Variants in GRIP1 observed in about 807,000 individuals in gnomAD.
GRIP1 encodes glutamate receptor interacting protein 1.
A neutral mutation model predicts 129.9 loss-of-function variants in GRIP1; 45 were observed. The observed-to-expected ratio is 0.35, with a 90% CI of 0.27 to 0.44. The LOEUF is 0.44. Ranked by LOEUF, GRIP1 falls within the 20% of genes least tolerant of loss-of-function variation. The pLI is 1.00. For missense variants in GRIP1, 1,196 were observed against 1,396.8 expected (o/e 0.86, Z 2.29); for synonymous variants, 530 against 520.8 (o/e 1.02, Z -0.24).
chr12:66,697,896 A>G (rs2035219359), intron 1 of GRIP1, among the ~76,000 whole-genome samples: 1 of 150,730 alleles, frequency 6.6e-6, no homozygotes, highest in Non-Finnish European at 1.5e-5. Flanking sequence ...CCCTCAACAA[A>G]GCGAAGTGCA....
At chr12:66,608,193 G>T (rs1333690614) in intron 1 of GRIP1, among the ~76,000 whole-genome samples, 1 of 152,126 alleles carries the variant, frequency 6.6e-6, no homozygotes, top group East Asian at 1.9e-4. Flanking sequence ...AATTAAAGTA[G>T]GATTTATCAC....
intron 1 of GRIP1, among the ~76,000 whole-genome samples, chr12:66,771,856 A>T (rs2037829118): frequency 6.6e-6 from 1 of 152,228 alleles, no homozygotes; most frequent in Non-Finnish European, 1.5e-5. Context: ...ATGAGGTTAC[A>T]TCTGTGGAGG....
At chr12:66,831,314 G>A (rs2039513453) in intron 1 of GRIP1, among the ~76,000 whole-genome samples, 1 of 152,136 alleles carries the variant, frequency 6.6e-6, no homozygotes, top group Non-Finnish European at 1.5e-5. Context: ...AGTTCATGCT[G>A]ATTTATTCAC....
At chr12:66,510,598 A>G (rs1213588615) in intron 7 of GRIP1, among the ~76,000 whole-genome samples, 5 of 152,190 alleles carry the variant, frequency 3.3e-5, no homozygotes, top group Non-Finnish European at 7.4e-5. Flanking sequence ...TTATTTCAAA[A>G]AAATTGTCCT....
intron 7 of GRIP1, among the ~76,000 whole-genome samples, chr12:66,466,859 C>T (rs796729675): frequency 2.0e-5 from 3 of 152,260 alleles, no homozygotes; most frequent in African/African-American, 7.2e-5. Context: ...GCAAGAACAT[C>T]TTTGTCATCA....
intron 23 of GRIP1, among the ~76,000 whole-genome samples, chr12:66,361,865 G>A (rs970345604): frequency 6.6e-6 from 1 of 152,110 alleles, no homozygotes; most frequent in South Asian, 2.1e-4. Context: ...CTTGACTCAG[G>A]AACATCCTGC....
At chr12:66,526,760 G>A (rs1234136901) in intron 5 of GRIP1, among the ~76,000 whole-genome samples, 4 of 151,222 alleles carry the variant, frequency 2.6e-5, no homozygotes, top group East Asian at 1.9e-4. Flanking sequence ...GAATGGGAGA[G>A]AATTTTTGCA....
chr12:66,655,165 C>A (rs1342580018), intron 1 of GRIP1, among the ~76,000 whole-genome samples: 1 of 152,184 alleles, frequency 6.6e-6, no homozygotes, highest in East Asian at 1.9e-4. Flanking sequence ...CACGTTCCCC[C>A]AAGAGGCAAC....
intron 9 of GRIP1, among the ~76,000 whole-genome samples, chr12:66,461,738 C>T (rs2059142422): frequency 6.6e-6 from 1 of 152,150 alleles, no homozygotes; most frequent in East Asian, 1.9e-4. Flanking sequence ...CTCTTTCCCC[C>T]CGCCCCAGAC....
intron 1 of GRIP1, among the ~76,000 whole-genome samples, chr12:66,877,422 A>T (rs1221406573): frequency 2.6e-5 from 4 of 152,086 alleles, no homozygotes; most frequent in Non-Finnish European, 5.9e-5. Flanking sequence ...TTTGTCAGGA[A>T]AGGGTGTAAC....
At chr12:66,797,766 C>T (rs1464601382) in intron 1 of GRIP1, among the ~76,000 whole-genome samples, 1 of 152,102 alleles carries the variant, frequency 6.6e-6, no homozygotes, top group Non-Finnish European at 1.5e-5. Flanking sequence ...GAATACAACC[C>T]TGAGAGGAGC....
At position 66,347,511 on chromosome 12, in the gene GRIP1, A is replaced by ATAT. The variant is rs2054020796; in HGVS notation, c.*1505_*1507dup. On this transcript the variant is annotated 3_prime_UTR_variant, in exon 25 of 25. Coordinates refer to ENST00000359742, the MANE Select transcript of GRIP1 (RefSeq NM_001366722.1). ...GAGGGTTTTATTTTTTTCCATACAA[A>ATAT]TATTTGAACAATTTTGAATTCCCCA... The ATAT allele has an allele frequency of 6.6e-6, 1 of 152,204 alleles. No individual in the cohort carries two copies. The allele number at this position is 152,204 out of a possible 1,614,324, so 9.4% of individuals were successfully genotyped here.
chr12:66,572,085 CA>C (rs1358474960), intron 2 of GRIP1, among the ~76,000 whole-genome samples: 1 of 152,200 alleles, frequency 6.6e-6, no homozygotes, highest in Non-Finnish European at 1.5e-5. Context: ...ACTGCCTTAT[CA>C]GTCCTCTTCC....
At chr12:66,966,859 G>C (rs2042005174) in intron 1 of GRIP1, among the ~76,000 whole-genome samples, 1 of 152,030 alleles carries the variant, frequency 6.6e-6, no homozygotes, top group African/African-American at 2.4e-5. Context: ...TCGCTTCCTT[G>C]CCCTTTCCAC....
chr12:66,522,803 C>T (rs1272593238), intron 5 of GRIP1, among the ~76,000 whole-genome samples: 3 of 152,036 alleles, frequency 2.0e-5, no homozygotes, highest in East Asian at 1.9e-4. Flanking sequence ...CGAATGGATA[C>T]CTAGAATAAC....
chr12:66,450,303 CAAAAAAAAAAAA>C lies in GRIP1; in HGVS notation c.1355-4807_1355-4796del, dbSNP rs143013040. 2.3e-3 allele frequency among the ~76,000 whole-genome samples: 61 copies of C among 26,820 alleles called. 1 individual carries two copies. The highest frequency in any genetic ancestry group is 0.012 in the East Asian group (8 of 692). 17.6% of individuals were successfully genotyped at this position (26,820 alleles called of 152,430 possible). ...TGGGTGACAGAGTGAGACTCCATCT[CAAAAAAAAAAAA>C]AAAAAAAAAAAAAAAAAAGAAAGAG... On this transcript the variant is annotated intron_variant, in intron 11 of 24. Coordinates refer to ENST00000359742, the MANE Select transcript of GRIP1 (RefSeq NM_001366722.1).
chr12:66,784,552 C>T (rs991492753), intron 1 of GRIP1, among the ~76,000 whole-genome samples: 1 of 152,196 alleles, frequency 6.6e-6, no homozygotes. Context: ...AATGACTACC[C>T]TCTAAAGCCA....
intron 1 of GRIP1, among the ~76,000 whole-genome samples, chr12:66,649,614 T>C (rs1291520480): frequency 2.6e-5 from 4 of 152,182 alleles, no homozygotes; most frequent in Admixed American, 2.6e-4. Context: ...AGGAAAGGCA[T>C]GCTAAATGCC....
Position 66,721,571 on chromosome 12 carries a change from A to G in GRIP1, c.-420+82482T>C, listed in dbSNP as rs750066036. Among the ~76,000 whole-genome samples the G allele has an allele frequency of 2.6e-5, 4 of 152,284 alleles. No individual in the cohort carries two copies. In the East Asian group the frequency reaches 5.8e-4, roughly 22 times the overall value. ...ATTTAGCATAATTCTTAAGGACCCTATGATTTTTTGGAATGGTAAGTAAGC... is the reference window on the plus strand; with the variant it reads ...ATTTAGCATAATTCTTAAGGACCCTGTGATTTTTTGGAATGGTAAGTAAGC... On this transcript the variant is annotated intron_variant, in intron 1 of 4. Transcript: ENST00000538373.
Sources: gnomAD v4.1 joint callset for allele counts (sites outside exome capture counted in the v4.1 genomes callset) on GRCh38, gnomAD v4.1.1 for gene constraint, MANE v1.5 for transcripts, NCBI Gene and HGNC (gene_info 2026-07-23, HGNC 2026-07-21) for gene names.